Variants in ANKRD30B observed in about 807,000 individuals in gnomAD.
The protein encoded by ANKRD30B is ankyrin repeat domain 30B.
In ANKRD30B, 144 loss-of-function variants were observed where a neutral mutation model predicts 202.2. That is an observed-to-expected ratio of 0.71 (90% CI 0.62 to 0.82). ANKRD30B has a LOEUF of 0.82. Among genes scored for constraint, ANKRD30B ranks in the 40% least tolerant of loss-of-function variants. The pLI, the probability that ANKRD30B is intolerant of heterozygous loss-of-function variation, is 0.00. For missense variants in ANKRD30B, 1,487 were observed against 1,669.1 expected (o/e 0.89, Z 1.90); for synonymous variants, 508 against 561.3 (o/e 0.91, Z 1.34).
chr18:14,860,709 A>G, the ANKRD30B span, among the ~76,000 whole-genome samples: 2 of 149,394 alleles, frequency 1.3e-5, no homozygotes, highest in Non-Finnish European at 3.0e-5. Context: ...CCATCCAATA[A>G]TTTTTTTTTT....
chr18:14,799,385 C>G, intron 22 of ANKRD30B, 90 bp downstream of exon 22: 3 of 1,241,514 alleles, frequency 2.4e-6, no homozygotes, highest in Non-Finnish European at 3.3e-6. Context: ...ATGTTGTTTT[C>G]TTTTCAAAAT....
chr18:14,782,228 A>G (rs1967793767), intron 11 of ANKRD30B, among the ~76,000 whole-genome samples: 1 of 152,208 alleles, frequency 6.6e-6, no homozygotes, highest in Admixed American at 6.5e-5. Context: ...ATAAAGTAAG[A>G]TATTTTTAAG....
At chr18:14,789,318 A>C (rs1968307811) in intron 15 of ANKRD30B, among the ~76,000 whole-genome samples, 1 of 152,154 alleles carries the variant, frequency 6.6e-6, no homozygotes, top group South Asian at 2.1e-4. Flanking sequence ...AGGTTGCGAA[A>C]ATGTTCTCCC....
At chr18:14,779,093 C>T (rs1414730929) in intron 10 of ANKRD30B, among the ~76,000 whole-genome samples, 4 of 152,228 alleles carry the variant, frequency 2.6e-5, no homozygotes, top group East Asian at 3.9e-4. Context: ...AGGCAGGACA[C>T]GGGATAAGAG....
At chr18:14,902,835 A>T in the ANKRD30B span, among the ~76,000 whole-genome samples, 1 of 152,212 alleles carries the variant, frequency 6.6e-6, no homozygotes, top group African/African-American at 2.4e-5. Context: ...TTCTTAAAAT[A>T]AGTAATGGGG....
intron 32 of ANKRD30B, 125 bp downstream of exon 32, chr18:14,822,802 A>G: frequency 7.8e-7 from 1 of 1,285,722 alleles, no homozygotes; most frequent in Non-Finnish European, 1.0e-6. Flanking sequence ...TGACACAAAT[A>G]ATGCCAATGT....
intron 16 of ANKRD30B, 89 bp downstream of exon 16, chr18:14,791,580 T>C: frequency 9.9e-7 from 1 of 1,006,436 alleles, no homozygotes; most frequent in Non-Finnish European, 1.5e-6. Context: ...ATGAAGAAAA[T>C]TACCTCCTTA....
At chr18:14,790,898 G>A (rs1489762012) in intron 15 of ANKRD30B, among the ~76,000 whole-genome samples, 1 of 151,960 alleles carries the variant, frequency 6.6e-6, no homozygotes, top group Non-Finnish European at 1.5e-5. Context: ...GGATGATGCT[G>A]GCCTCATAAA....
At chr18:14,818,713 A>G in intron 30 of ANKRD30B, among the ~76,000 whole-genome samples, 1 of 152,114 alleles carries the variant, frequency 6.6e-6, no homozygotes, top group East Asian at 1.9e-4. Flanking sequence ...ATGGCTGCAT[A>G]GAATTCCATG....
chr18:14,774,848 C>T (rs551457165), intron 9 of ANKRD30B, among the ~76,000 whole-genome samples: 5 of 151,620 alleles, frequency 3.3e-5, no homozygotes, highest in Non-Finnish European at 7.4e-5. Context: ...AATCTAAGGG[C>T]CAGGTGTGGT....
intron 5 of ANKRD30B, among the ~76,000 whole-genome samples, chr18:14,760,051 G>A (rs1199075060): frequency 6.6e-6 from 1 of 151,962 alleles, no homozygotes; most frequent in African/African-American, 2.4e-5. Context: ...CAACACATTG[G>A]GTTTTATTGG....
the ANKRD30B span, among the ~76,000 whole-genome samples, chr18:14,865,278 GCTT>G: frequency 1.3e-5 from 2 of 149,912 alleles, no homozygotes; most frequent in Non-Finnish European, 1.5e-5. Flanking sequence ...CTACCTAAAA[GCTT>G]CTCTCCTCAC....
At chr18:14,873,524 CAAAAAAAAA>C in the ANKRD30B span, among the ~76,000 whole-genome samples, 541 of 90,646 alleles carry the variant, frequency 6.0e-3, 4 homozygotes, top group Middle Eastern at 0.015. Flanking sequence ...GACTCCGTTT[CAAAAAAAAA>C]AAAAAAAAAA....
chr18:14,895,686 C>T, the ANKRD30B span, among the ~76,000 whole-genome samples: 1 of 152,050 alleles, frequency 6.6e-6, no homozygotes, highest in Non-Finnish European at 1.5e-5. Context: ...TATTATTTAG[C>T]AATAAAAAGG....
At chr18:14,859,023 C>G (rs1248679527), downstream of ANKRD30B, among the ~76,000 whole-genome samples, 12 of 98,330 alleles carry the variant, frequency 1.2e-4, no homozygotes, top group Non-Finnish European at 1.9e-4. Context: ...ACCTCCCAGA[C>G]TGGGCGGCCA....
chr18:14,828,562 C>G (rs992130105), intron 33 of ANKRD30B, among the ~76,000 whole-genome samples: 26 of 152,146 alleles, frequency 1.7e-4, no homozygotes, highest in Non-Finnish European at 3.7e-4. Context: ...GTAGCTGACC[C>G]TTGAGTTTGC....
At chr18:14,781,451 C>G (rs758304731) in intron 11 of ANKRD30B, among the ~76,000 whole-genome samples, 10 of 112,696 alleles carry the variant, frequency 8.9e-5, no homozygotes, top group Non-Finnish European at 2.0e-4. Context: ...CCCGCCACCA[C>G]GCCCAGCTAA....
intron 39 of ANKRD30B, among the ~76,000 whole-genome samples, chr18:14,843,780 C>G (rs1242072736): frequency 6.6e-6 from 1 of 151,864 alleles, no homozygotes; most frequent in African/African-American, 2.4e-5. Flanking sequence ...GGGGACAGAG[C>G]GAGACTCCGT....
chr18:14,773,664 T>C (rs866718729), intron 9 of ANKRD30B, among the ~76,000 whole-genome samples: 2,041 of 149,240 alleles, frequency 0.014, 51 homozygotes, highest in African/African-American at 0.048. Context: ...TCATGTTCTT[T>C]TTTTTTTTTT....
Sources: allele counts gnomAD v4.1 joint callset (sites outside exome capture counted in the v4.1 genomes callset), GRCh38; gene constraint gnomAD v4.1.1; transcripts MANE v1.5; gene names NCBI Gene and HGNC (gene_info 2026-07-23, HGNC 2026-07-21).